UBR3: variants seen among roughly 807,000 people sequenced by gnomAD.
The protein encoded by UBR3 is E3 ubiquitin-protein ligase UBR3.
In UBR3, 85 loss-of-function variants were observed where a neutral mutation model predicts 243.2. The ratio of observed to expected loss-of-function variants is 0.35; its 90% CI spans 0.29 to 0.42. UBR3 has a LOEUF of 0.42. Ranked by LOEUF, UBR3 falls within the 10% of genes least tolerant of loss-of-function variation. UBR3 has a pLI of 1.00. For missense variants in UBR3, 1,686 were observed against 2,300.8 expected (o/e 0.73, Z 5.47); for synonymous variants, 748 against 799.8 (o/e 0.94, Z 1.09).
In UBR3 at chr2:170,061,367, A is replaced by G; in HGVS notation, c.4943A>G (p.Asp1648Gly). The change falls in exon 35 of 39, where the codon GAC becomes GGC. Residue 1648 changes from aspartate to glycine, a missense_variant. Coordinates refer to ENST00000272793, the MANE Select transcript of UBR3 (RefSeq NM_172070.4). ...SPESMEKCLQ[D>G]FCLPFLRITS... ...GAATCCATGGAAAAATGCTTACAGG[A>G]CTTCTGCTTACCTTTTCTCAGAATC... 6.2e-7 allele frequency: 1 copy of G among 1,614,084 alleles called. No homozygotes were observed. The highest frequency in any genetic ancestry group is 8.5e-7 in the Non-Finnish European group (1 of 1,180,000).
At chr2:169,874,386 T>C (rs1480559902) in intron 2 of UBR3, among the ~76,000 whole-genome samples, 4 of 152,092 alleles carry the variant, frequency 2.6e-5, no homozygotes, top group Non-Finnish European at 5.9e-5. Flanking sequence ...GCCAGGCTGG[T>C]CTCAAACTCC....
At chr2:169,914,265 G>C in intron 11 of UBR3, 119 bp downstream of exon 11, 22 of 428,360 alleles carry the variant, frequency 5.1e-5, no homozygotes, top group Middle Eastern at 5.2e-4. Flanking sequence ...AGGGAAGGAA[G>C]TAATGAACAT....
chr2:169,951,790 TAAAG>T (rs1432910400), intron 23 of UBR3, among the ~76,000 whole-genome samples: 1 of 151,912 alleles, frequency 6.6e-6, no homozygotes, highest in Admixed American at 6.6e-5. Flanking sequence ...GTGATGATAA[TAAAG>T]AGAGGAGGAG....
intron 33 of UBR3, among the ~76,000 whole-genome samples, chr2:170,060,656 T>G (rs2091438729): frequency 6.6e-6 from 1 of 152,156 alleles, no homozygotes; most frequent in Non-Finnish European, 1.5e-5. Flanking sequence ...TTTAAGTTGG[T>G]ATTCCATTTT....
At chr2:170,074,308 T>C (rs926331702) in intron 36 of UBR3, among the ~76,000 whole-genome samples, 3 of 152,118 alleles carry the variant, frequency 2.0e-5, no homozygotes, top group African/African-American at 7.2e-5. Flanking sequence ...GAGAAAAATA[T>C]AGGACTTGGT....
At chr2:169,915,448 C>T (rs1467825723) in intron 11 of UBR3, among the ~76,000 whole-genome samples, 1 of 152,134 alleles carries the variant, frequency 6.6e-6, no homozygotes, top group Non-Finnish European at 1.5e-5. Context: ...GTTGGCCAGG[C>T]TGGCCTGGAA....
chr2:169,864,261 G>T (rs770538148), intron 1 of UBR3, among the ~76,000 whole-genome samples: 2 of 152,040 alleles, frequency 1.3e-5, no homozygotes, highest in African/African-American at 2.4e-5. Flanking sequence ...GCCCAGGCTA[G>T]AAATAATTTC....
chr2:169,943,866 T>C (rs2086685731), intron 20 of UBR3, among the ~76,000 whole-genome samples: 1 of 152,170 alleles, frequency 6.6e-6, no homozygotes, highest in South Asian at 2.1e-4. Context: ...TTTTATTTTT[T>C]TTCTTAATCT....
At chr2:170,055,657 G>C in intron 33 of UBR3, 73 bp downstream of exon 33, 1 of 1,552,754 alleles carries the variant, frequency 6.4e-7, no homozygotes, top group Non-Finnish European at 8.7e-7. Flanking sequence ...GAGTGAATAA[G>C]AGTAGGTGTT....
chr2:169,842,691 G>GC (rs1306042710), intron 1 of UBR3, among the ~76,000 whole-genome samples: 2 of 152,008 alleles, frequency 1.3e-5, no homozygotes, highest in African/African-American at 4.8e-5. Flanking sequence ...TCACTCCTGA[G>GC]CCAGCGAGAC....
At chr2:169,906,885 G>C (rs1216356738) in intron 10 of UBR3, among the ~76,000 whole-genome samples, 1 of 152,062 alleles carries the variant, frequency 6.6e-6, no homozygotes, top group African/African-American at 2.4e-5. Flanking sequence ...AGTAAAGCCT[G>C]CTCTTTGTTA....
At chr2:169,855,942 C>A (rs182964158) in intron 1 of UBR3, among the ~76,000 whole-genome samples, 6,525 of 151,842 alleles carry the variant, frequency 0.043, 160 homozygotes, top group Middle Eastern at 0.069. Flanking sequence ...AGGCGCCCCC[C>A]ACCTCCCGGA....
In UBR3 at chr2:169,975,277, G is replaced by A. The variant is rs1049777194; in HGVS notation, c.3635-11368G>A. Among the ~76,000 whole-genome samples the A allele has an allele frequency of 7.9e-5, 12 of 152,130 alleles. 1 individual carries two copies. Among genetic ancestry groups the A allele is most frequent in the Admixed American group, 4.6e-4 (7 of 15,276 alleles). On this transcript the variant is annotated intron_variant, in intron 24 of 38. Transcript: ENST00000272793. ...ATTTGTACAGTTTCAAAAGTTCCTC[G>A]TTATTAATTTCCAGTTATATTCCAT...
intron 24 of UBR3, among the ~76,000 whole-genome samples, chr2:169,965,316 C>A (rs2087756041): frequency 6.6e-6 from 1 of 152,116 alleles, no homozygotes; most frequent in South Asian, 2.1e-4. Flanking sequence ...TTGTCAAATT[C>A]CTTTTTTTGT....
intron 11 of UBR3, among the ~76,000 whole-genome samples, chr2:169,918,587 G>A (rs1175192981): frequency 1.3e-5 from 2 of 151,578 alleles, no homozygotes; most frequent in Admixed American, 6.6e-5. Context: ...CTCCCAAAGT[G>A]TTGAGATTAC....
chr2:169,993,126 T>C (rs2089345175), intron 25 of UBR3, among the ~76,000 whole-genome samples: 2 of 152,192 alleles, frequency 1.3e-5, no homozygotes, highest in Admixed American at 1.3e-4. Flanking sequence ...ATTAGTAACA[T>C]CAAATACTGT....
chr2:169,862,701 T>C (rs776390854), intron 1 of UBR3, among the ~76,000 whole-genome samples: 3 of 152,204 alleles, frequency 2.0e-5, no homozygotes, highest in Non-Finnish European at 4.4e-5. Flanking sequence ...ATATATAGAT[T>C]GGTTTAGGTA....
At chr2:169,975,685 TGTCTGTA>T (rs2088401107) in intron 24 of UBR3, among the ~76,000 whole-genome samples, 1 of 152,106 alleles carries the variant, frequency 6.6e-6, no homozygotes, top group Non-Finnish European at 1.5e-5. Flanking sequence ...TGGTACCTTG[TGTCTGTA>T]GTCTCAGCTA....
At chr2:170,078,193 T>C (rs1244522298) in intron 36 of UBR3, 1 of 533,410 alleles carries the variant, frequency 1.9e-6, no homozygotes, top group African/African-American at 2.0e-5. Flanking sequence ...TCTTTGAATG[T>C]TCATAAGCCT....
Sources: gnomAD v4.1 joint callset for allele counts (sites outside exome capture counted in the v4.1 genomes callset) on GRCh38, gnomAD v4.1.1 for gene constraint, MANE v1.5 for transcripts, NCBI Gene and HGNC (gene_info 2026-07-23, HGNC 2026-07-21) for gene names.